Variants in USP12 observed in about 807,000 individuals in gnomAD.
The protein encoded by USP12 is ubiquitin specific peptidase 12.
In USP12, 19 loss-of-function variants were observed where a neutral mutation model predicts 45.5. The observed-to-expected ratio is 0.42, with a 90% CI of 0.29 to 0.61. The LOEUF (loss-of-function observed/expected upper bound fraction) is 0.61. Ranked by LOEUF, USP12 falls within the 20% of genes least tolerant of loss-of-function variation. The pLI, the probability that USP12 is intolerant of heterozygous loss-of-function variation, is 0.22. For missense variants in USP12, 242 were observed against 447.7 expected, an observed-to-expected ratio of 0.54 and a Z score of 4.15; for synonymous variants, 149 against 148.8, an observed-to-expected ratio of 1.00 and a Z score of -0.01.
intron 1 of USP12, among the ~76,000 whole-genome samples, chr13:27,153,984 A>G: frequency 6.6e-6 from 1 of 152,260 alleles, no homozygotes; most frequent in East Asian, 1.9e-4. Context: ...AAAAATATTT[A>G]GAGATCTGGC....
intron 1 of USP12, among the ~76,000 whole-genome samples, chr13:27,159,488 CCA>C (rs1250252502): frequency 6.6e-6 from 1 of 152,162 alleles, no homozygotes; most frequent in Admixed American, 6.5e-5. Flanking sequence ...CTCAACTAGG[CCA>C]CACCTATTCA....
At chr13:27,116,166 G>A (rs1875725443) in intron 2 of USP12, among the ~76,000 whole-genome samples, 1 of 151,914 alleles carries the variant, frequency 6.6e-6, no homozygotes, top group African/African-American at 2.4e-5. Context: ...CAAAAAATTA[G>A]TCAGGCATGG....
intron 1 of USP12, among the ~76,000 whole-genome samples, 182 bp downstream of exon 1, chr13:27,171,410 A>C (rs1300950894): frequency 4.2e-5 from 6 of 141,326 alleles, no homozygotes; most frequent in African/African-American, 1.3e-4. Flanking sequence ...TGGGCCGCTC[A>C]CCCCCGCGCT....
intron 1 of USP12, among the ~76,000 whole-genome samples, chr13:27,167,401 T>C (rs779799318): frequency 3.3e-5 from 5 of 152,206 alleles, no homozygotes; most frequent in Non-Finnish European, 7.3e-5. Context: ...AAATGTATTT[T>C]AGACAAATTC....
At chr13:27,151,060 G>A (rs1436414240) in intron 1 of USP12, among the ~76,000 whole-genome samples, 2 of 152,148 alleles carry the variant, frequency 1.3e-5, no homozygotes, top group Non-Finnish European at 2.9e-5. Context: ...CAGACGCTGT[G>A]GCTCACATCT....
intron 1 of USP12, among the ~76,000 whole-genome samples, chr13:27,127,695 A>G (rs968942371): frequency 1.3e-5 from 2 of 152,216 alleles, no homozygotes; most frequent in African/African-American, 2.4e-5. Context: ...CCCAGAAGAA[A>G]TTAAAAGTAG....
intron 2 of USP12, among the ~76,000 whole-genome samples, chr13:27,114,110 T>C (rs576949998): frequency 1.5e-3 from 226 of 152,262 alleles, no homozygotes; most frequent in African/African-American, 5.2e-3. Context: ...AGGAAAAGCA[T>C]ATTTCACAGT....
rs148420440 is a variant in USP12, at chr13:27,116,050, C to T, written c.129+466G>A. On this transcript the variant is annotated intron_variant, in intron 2 of 8. Coordinates refer to ENST00000282344, the MANE Select transcript of USP12 (RefSeq NM_182488.4). ...GCAACTGGCTGGGTGTGGTGGCTCA[C>T]GCCTCTAATCCCAGCACTTTAGGAG... is the stretch of plus-strand genomic sequence containing the variant. Among the ~76,000 whole-genome samples, 572 of 152,126 alleles carry T rather than the reference C, an allele frequency of 3.8e-3. 1 individual carries two copies. Among genetic ancestry groups the T allele is most frequent in the African/African-American group, 0.013 (546 of 41,498 alleles).
intron 1 of USP12, among the ~76,000 whole-genome samples, chr13:27,148,620 G>A (rs1253331893): frequency 2.0e-5 from 3 of 147,866 alleles, no homozygotes; most frequent in Non-Finnish European, 4.5e-5. Flanking sequence ...GTTGCAGTGA[G>A]CCCAGATCAC....
At chr13:27,114,687 T>G (rs577206115) in intron 2 of USP12, among the ~76,000 whole-genome samples, 1 of 151,944 alleles carries the variant, frequency 6.6e-6, no homozygotes. Context: ...AGAAAACAGG[T>G]TGTCATTAAA....
At chr13:27,148,137 AAAG>A (rs1351805449) in intron 1 of USP12, among the ~76,000 whole-genome samples, 1 of 151,732 alleles carries the variant, frequency 6.6e-6, no homozygotes, top group African/African-American at 2.4e-5. Flanking sequence ...CAAAAAAAAA[AAAG>A]ACTTTTCTAA....
At chr13:27,101,978 C>T (rs1333090037) in intron 3 of USP12, among the ~76,000 whole-genome samples, 7 of 151,760 alleles carry the variant, frequency 4.6e-5, no homozygotes, top group African/African-American at 7.3e-5. Flanking sequence ...GACAACCGTG[C>T]CTGCCACATA....
intron 1 of USP12, among the ~76,000 whole-genome samples, chr13:27,158,471 A>G (rs1877943310): frequency 6.6e-6 from 1 of 152,156 alleles, no homozygotes; most frequent in Non-Finnish European, 1.5e-5. Context: ...CTGTTAAGCA[A>G]TTTCATCATG....
intron 1 of USP12, among the ~76,000 whole-genome samples, chr13:27,149,977 C>T (rs1274151112): frequency 2.0e-5 from 3 of 152,186 alleles, no homozygotes; most frequent in Non-Finnish European, 4.4e-5. Flanking sequence ...CTGTACAGCC[C>T]GGTTCCTAAC....
At chr13:27,143,650 T>A (rs144978145) in intron 1 of USP12, among the ~76,000 whole-genome samples, 80 of 152,320 alleles carry the variant, frequency 5.3e-4, no homozygotes, top group Non-Finnish European at 8.8e-4. Context: ...TTGAATCAAA[T>A]CATCAAATTC....
intron 1 of USP12, among the ~76,000 whole-genome samples, chr13:27,149,824 T>C (rs1877489272): frequency 6.6e-6 from 1 of 152,216 alleles, no homozygotes; most frequent in African/African-American, 2.4e-5. Context: ...AGGCATTAGA[T>C]TCTCATAAGG....
At chr13:27,091,489 G>A (rs1293342351) in intron 4 of USP12, among the ~76,000 whole-genome samples, 1 of 152,198 alleles carries the variant, frequency 6.6e-6, no homozygotes, top group Non-Finnish European at 1.5e-5. Context: ...TTGGTGCCAA[G>A]CGGTCATCAA....
Position 27,066,748 on chromosome 13 carries a change from T to C in USP12, c.*2535A>G. ...TGGGACAGCCATCCCAACAATCATG[T>C]ACATAGTTACACGGCAATCAGCCAC... On this transcript the variant is annotated 3_prime_UTR_variant, in exon 9 of 9. Coordinates refer to ENST00000282344, the MANE Select transcript of USP12 (RefSeq NM_182488.4). The C allele has an allele frequency of 6.6e-6, 1 of 152,192 alleles. No homozygotes were observed. Among genetic ancestry groups the C allele is most frequent in the South Asian group, 2.1e-4 (1 of 4,832 alleles). 9.4% of individuals were successfully genotyped at this position (152,192 alleles called of 1,614,324 possible).
intron 8 of USP12, 30 bp from the exon 9 acceptor site, chr13:27,069,414 T>A (rs1873136632): frequency 6.6e-7 from 1 of 1,505,464 alleles, no homozygotes. Context: ...CATTAGTACA[T>A]AAATGAGCTC....
Sources: allele counts gnomAD v4.1 joint callset (sites outside exome capture counted in the v4.1 genomes callset), GRCh38; gene constraint gnomAD v4.1.1; transcripts MANE v1.5; gene names NCBI Gene and HGNC (gene_info 2026-07-23, HGNC 2026-07-21).